RAB38: variants seen among roughly 807,000 people sequenced by gnomAD.
RAB38 encodes the protein RAB38, member RAS oncogene family.
In RAB38, 15 loss-of-function variants were observed where a neutral mutation model predicts 18.4. The ratio of observed to expected loss-of-function variants is 0.82; its 90% CI spans 0.55 to 1.26. The LOEUF is 1.26. Among genes scored for constraint, RAB38 ranks in the 50% most tolerant of loss-of-function variants. The pLI, the probability that RAB38 is intolerant of heterozygous loss-of-function variation, is 0.00. For synonymous variants in RAB38, 101 were observed against 104.4 expected (o/e 0.97, Z 0.20); for missense variants, 294 against 267.4 (o/e 1.10, Z -0.69).
chr11:88,124,519 A>T (rs1942668665), intron 2 of RAB38, among the ~76,000 whole-genome samples: 1 of 152,174 alleles, frequency 6.6e-6, no homozygotes, highest in Non-Finnish European at 1.5e-5. Context: ...AGACACATGA[A>T]AAAATGCTCA....
chr11:87,827,319 A>G, the RAB38 span, among the ~76,000 whole-genome samples: 2 of 151,212 alleles, frequency 1.3e-5, no homozygotes, highest in Non-Finnish European at 2.9e-5. Flanking sequence ...GCTGGCTTTT[A>G]TGACAATCTT....
chr11:87,963,266 G>T, the RAB38 span, among the ~76,000 whole-genome samples: 1 of 152,110 alleles, frequency 6.6e-6, no homozygotes, highest in Non-Finnish European at 1.5e-5. Flanking sequence ...AGAGCCCTCT[G>T]TTTAGGTGCT....
chr11:88,028,922 A>G, the RAB38 span, among the ~76,000 whole-genome samples: 2 of 152,314 alleles, frequency 1.3e-5, no homozygotes, highest in Non-Finnish European at 2.9e-5. Flanking sequence ...CAAGATACAT[A>G]ATTGTCAGAT....
At chr11:87,952,082 G>A in the RAB38 span, among the ~76,000 whole-genome samples, 21 of 152,076 alleles carry the variant, frequency 1.4e-4, no homozygotes, top group Admixed American at 1.4e-3. Flanking sequence ...AGAGGAAGCA[G>A]TGGGTAAGGT....
chr11:87,977,596 T>G, the RAB38 span, among the ~76,000 whole-genome samples: 1 of 118,362 alleles, frequency 8.4e-6, no homozygotes, highest in African/African-American at 3.3e-5. Context: ...ATAATAATTA[T>G]GTACTATACA....
the RAB38 span, among the ~76,000 whole-genome samples, chr11:87,919,122 C>T: frequency 6.6e-6 from 1 of 151,932 alleles, no homozygotes; most frequent in Non-Finnish European, 1.5e-5. Flanking sequence ...ACTGCCTTTC[C>T]TCCAGTGCAT....
At chr11:87,819,487 G>T in the RAB38 span, among the ~76,000 whole-genome samples, 1 of 151,770 alleles carries the variant, frequency 6.6e-6, no homozygotes, top group Admixed American at 6.6e-5. Context: ...TTGCTGAAAG[G>T]GCAACTGCTT....
chr11:88,102,414 C>T, the RAB38 span, among the ~76,000 whole-genome samples: 17 of 151,998 alleles, frequency 1.1e-4, no homozygotes, highest in East Asian at 1.9e-4. Flanking sequence ...AGCTTCATGT[C>T]GACATTCCAA....
At chr11:88,124,396 G>C (rs1398188103) in intron 2 of RAB38, among the ~76,000 whole-genome samples, 4 of 152,058 alleles carry the variant, frequency 2.6e-5, no homozygotes, top group Non-Finnish European at 5.9e-5. Flanking sequence ...CTAATATCCA[G>C]AATCTACAAA....
At chr11:87,941,224 T>TATATATATATATATATATATATATATG in the RAB38 span, among the ~76,000 whole-genome samples, 1 of 113,404 alleles carries the variant, frequency 8.8e-6, no homozygotes, top group Non-Finnish European at 1.9e-5. Flanking sequence ...GATATATATA[T>TATATATATATATATATATATATATATG]ATATATATAT....
the RAB38 span, among the ~76,000 whole-genome samples, chr11:87,882,293 T>G: frequency 2.6e-5 from 4 of 151,876 alleles, no homozygotes; most frequent in African/African-American, 9.7e-5. Flanking sequence ...TCTAGCATAT[T>G]GCCTGTAAAT....
At chr11:88,091,958 T>C in the RAB38 span, among the ~76,000 whole-genome samples, 1 of 151,748 alleles carries the variant, frequency 6.6e-6, no homozygotes, top group South Asian at 2.1e-4. Flanking sequence ...GGGTAGGTTA[T>C]TTAGAACTGT....
chr11:87,875,701 C>T, the RAB38 span, among the ~76,000 whole-genome samples: 1 of 151,104 alleles, frequency 6.6e-6, no homozygotes, highest in Non-Finnish European at 1.5e-5. Flanking sequence ...TAGATTTTTT[C>T]TCTAGAAATG....
chr11:88,044,075 G>A, the RAB38 span, among the ~76,000 whole-genome samples: 10 of 151,706 alleles, frequency 6.6e-5, no homozygotes, highest in East Asian at 1.9e-4. Context: ...TTTCCTTTTC[G>A]GGTAGAGACA....
At chr11:88,033,334 A>T in the RAB38 span, among the ~76,000 whole-genome samples, 3 of 152,028 alleles carry the variant, frequency 2.0e-5, no homozygotes, top group African/African-American at 7.3e-5. Flanking sequence ...ATATGTAACT[A>T]ACCTGCATGT....
chr11:87,917,490 G>A, the RAB38 span, among the ~76,000 whole-genome samples: 1 of 144,312 alleles, frequency 6.9e-6, no homozygotes, highest in Non-Finnish European at 1.5e-5. Context: ...ATGTCATACA[G>A]TAGATCTATT....
chr11:87,968,878 A>G, the RAB38 span, among the ~76,000 whole-genome samples: 4 of 152,130 alleles, frequency 2.6e-5, no homozygotes, highest in Admixed American at 6.6e-5. Context: ...GTGGAATAGT[A>G]AGACACTGGA....
At chr11:87,900,535 C>G in the RAB38 span, among the ~76,000 whole-genome samples, 1 of 151,628 alleles carries the variant, frequency 6.6e-6, no homozygotes. Context: ...CTTATATTCA[C>G]CAGCTAGACA....
At chr11:88,133,413 A>G (rs1052470757) in intron 2 of RAB38, among the ~76,000 whole-genome samples, 3 of 152,222 alleles carry the variant, frequency 2.0e-5, no homozygotes, top group Non-Finnish European at 4.4e-5. Flanking sequence ...ACTCATTTAC[A>G]AAGTTTCTGA....
Sources: gnomAD v4.1 joint callset for allele counts (sites outside exome capture counted in the v4.1 genomes callset) on GRCh38, gnomAD v4.1.1 for gene constraint, MANE v1.5 for transcripts, NCBI Gene and HGNC (gene_info 2026-07-23, HGNC 2026-07-21) for gene names.